MTPAP: variants seen among roughly 807,000 people sequenced by gnomAD.
The protein encoded by MTPAP is poly(A) RNA polymerase, mitochondrial.
Under a neutral mutation model 48.7 loss-of-function variants are expected in MTPAP, and 23 were observed. The observed-to-expected ratio is 0.47, with a 90% CI of 0.34 to 0.67. The LOEUF (loss-of-function observed/expected upper bound fraction) is 0.67, where lower values mean the gene tolerates loss of function less well. Ranked by LOEUF, MTPAP falls within the 30% of genes least tolerant of loss-of-function variation. The probability of loss-of-function intolerance (pLI) is 0.01; values close to 1 mark genes in which losing one functional copy is unlikely to be tolerated. For synonymous variants in MTPAP, 257 were observed against 254.1 expected, an observed-to-expected ratio of 1.01 and a Z score of -0.11; for missense variants, 614 against 694.3, an observed-to-expected ratio of 0.88 and a Z score of 1.30.
chr10:30,346,179 AAT>A (rs1360921992), intron 1 of MTPAP, among the ~76,000 whole-genome samples: 2 of 152,178 alleles, frequency 1.3e-5, no homozygotes, highest in Admixed American at 6.5e-5. Flanking sequence ...GCATCATAGG[AAT>A]GTCTTAACTT....
rs144395452 is a variant in MTPAP at position 30,329,677 on chromosome 10, T to C, written c.781-3042A>G. ...CTCGTGTTATTTCTCTAATGTATAATCAAAGAATATTAACTAATATATAGT... is the reference window on the plus strand; with the variant it reads ...CTCGTGTTATTTCTCTAATGTATAACCAAAGAATATTAACTAATATATAGT... On this transcript the variant is annotated intron_variant, in intron 4 of 8. Coordinates refer to ENST00000263063, the MANE Select transcript of MTPAP (RefSeq NM_018109.4). Among the ~76,000 whole-genome samples the C allele has an allele frequency of 5.1e-3, 782 of 151,954 alleles. 11 individuals are homozygous for C. Among genetic ancestry groups the C allele is most frequent in the South Asian group, 0.046 (222 of 4,820 alleles).
intron 4 of MTPAP, among the ~76,000 whole-genome samples, chr10:30,328,099 G>C (rs1360532161): frequency 6.6e-6 from 1 of 152,020 alleles, no homozygotes; most frequent in African/African-American, 2.4e-5. Flanking sequence ...ATACAAACGG[G>C]TAATTTACGA....
chr10:30,326,144 AC>A (rs1307417673), intron 5 of MTPAP, among the ~76,000 whole-genome samples: 1 of 152,126 alleles, frequency 6.6e-6, no homozygotes, highest in Non-Finnish European at 1.5e-5. Context: ...ACTACACACT[AC>A]CAGGCTGCAC....
chr10:30,322,408 G>C lies in MTPAP; in HGVS notation c.1202C>G (p.Ser401Cys), dbSNP rs1840735666. The change falls in exon 6 of 9, where the codon TCC becomes TGC. Residue 401 changes from serine to cysteine, a missense_variant. This residue lies in a region of MTPAP where 261 missense variants were observed against 355.4 expected (regional missense o/e 0.73). Transcript: ENST00000263063. ...AGTCTTACCTGCTAGGGTTTTTAAG[G>C]AATCTAGTGTTGGAAGAATAGGGGG... is the stretch of plus-strand genomic sequence containing the variant. ...RSPPILPTLD[S>C]LKTLADAEDK... 6.2e-7 allele frequency: 1 copy of C among 1,608,596 alleles called. No individual in the cohort carries two copies. The highest frequency in any genetic ancestry group is 8.5e-7 in the Non-Finnish European group (1 of 1,175,018).
In MTPAP at chr10:30,311,554, T is replaced by A. The variant is rs1242215193; in HGVS notation, c.*2055A>T. 2 of 152,148 alleles carry A rather than the reference T, an allele frequency of 1.3e-5. No homozygotes were observed. Among genetic ancestry groups the A allele is most frequent in the Non-Finnish European group, 2.9e-5 (2 of 68,028 alleles). The allele number at this position is 152,148 out of a possible 1,614,324, so 9.4% of individuals were successfully genotyped here. A position where few individuals can be genotyped will look rare whatever the true frequency, so the allele number is the denominator to read the frequency against. The stretch of plus-strand genomic sequence containing the variant: ...GCATTTTCCTACATCCCTCGCTTAA[T>A]CCTCACATTGATCTGATCATGATCC... On this transcript the variant is annotated 3_prime_UTR_variant, in exon 9 of 9. Coordinates refer to ENST00000263063, the MANE Select transcript of MTPAP (RefSeq NM_018109.4).
At chr10:30,321,434 A>G (rs1410640379) in intron 6 of MTPAP, among the ~76,000 whole-genome samples, 2 of 152,184 alleles carry the variant, frequency 1.3e-5, no homozygotes, top group Non-Finnish European at 2.9e-5. Context: ...ATCACTTCTA[A>G]TATGGATAAA....
intron 6 of MTPAP, among the ~76,000 whole-genome samples, chr10:30,317,832 T>A (rs979727453): frequency 1.3e-5 from 2 of 152,096 alleles, no homozygotes; most frequent in African/African-American, 4.8e-5. Flanking sequence ...AGGTATATAA[T>A]CAATAATCTG....
chr10:30,322,623 AAAAATAAAAAT>A lies in MTPAP; in HGVS notation c.993-17_993-7del. The A allele has an allele frequency of 6.3e-7, 1 of 1,587,572 alleles. No homozygotes were observed. Among genetic ancestry groups the A allele is most frequent in the Non-Finnish European group, 8.6e-7 (1 of 1,159,952 alleles). On this transcript the variant is annotated splice_region_variant and splice_polypyrimidine_tract_variant and intron_variant, in intron 5 of 8. Transcript: ENST00000263063. ...CGGAACTTGTCAAGGCAATCCTTCA[AAAAATAAAAAT>A]AAGAAAAATGTTCAAATCCCCAAAT...
chr10:30,334,674 T>G (rs1834708005), intron 4 of MTPAP, among the ~76,000 whole-genome samples: 1 of 151,434 alleles, frequency 6.6e-6, no homozygotes, highest in African/African-American at 2.4e-5. Context: ...AAAAGAAAAA[T>G]AAAAACAATG....
At chr10:30,323,577 T>G (rs1840753639) in intron 5 of MTPAP, among the ~76,000 whole-genome samples, 1 of 152,218 alleles carries the variant, frequency 6.6e-6, no homozygotes, top group South Asian at 2.1e-4. Context: ...TGGCGCGATC[T>G]TGGCTCACTG....
chr10:30,340,514 C>A, intron 2 of MTPAP, 64 bp from the exon 3 acceptor site: 1 of 1,068,888 alleles, frequency 9.4e-7, no homozygotes, highest in Non-Finnish European at 1.4e-6. Flanking sequence ...ACTATTTTAG[C>A]TCATATATTA....
intron 3 of MTPAP, among the ~76,000 whole-genome samples, chr10:30,338,558 C>T (rs977318150): frequency 2.6e-5 from 4 of 151,832 alleles, no homozygotes; most frequent in Non-Finnish European, 2.9e-5. Context: ...GCCTGTAATC[C>T]CTGCTACTTG....
intron 5 of MTPAP, among the ~76,000 whole-genome samples, chr10:30,325,125 A>AC (rs1202393339): frequency 5.3e-5 from 8 of 152,198 alleles, no homozygotes; most frequent in Non-Finnish European, 8.8e-5. Context: ...CTTGATATAA[A>AC]GAAAAAAACA....
At chr10:30,346,541 T>C (rs955126811) in intron 1 of MTPAP, among the ~76,000 whole-genome samples, 1 of 152,200 alleles carries the variant, frequency 6.6e-6, no homozygotes, top group Non-Finnish European at 1.5e-5. Flanking sequence ...ATACACACTC[T>C]TCTGAAATTC....
chr10:30,344,819 C>T (rs1001838783), intron 1 of MTPAP, among the ~76,000 whole-genome samples: 1 of 152,162 alleles, frequency 6.6e-6, no homozygotes, highest in Non-Finnish European at 1.5e-5. Flanking sequence ...ATTCTCCTGC[C>T]TCAGCCTCCC....
At chr10:30,344,317 T>C (rs556323111) in intron 1 of MTPAP, among the ~76,000 whole-genome samples, 1 of 152,328 alleles carries the variant, frequency 6.6e-6, no homozygotes, top group Non-Finnish European at 1.5e-5. Flanking sequence ...TCATTTTCTG[T>C]CTGGCAAACT....
At chr10:30,326,714 T>C in intron 4 of MTPAP, 79 bp from the exon 5 acceptor site, 1 of 1,026,060 alleles carries the variant, frequency 9.7e-7, no homozygotes, top group Non-Finnish European at 1.5e-6. Context: ...AAAAGAATGC[T>C]CTAAATCACT....
chr10:30,323,465 A>AG (rs2132851170), intron 5 of MTPAP, among the ~76,000 whole-genome samples: 1 of 151,632 alleles, frequency 6.6e-6, no homozygotes, highest in South Asian at 2.1e-4. Context: ...AAAAAAAAAA[A>AG]AAAAAAAAGA....
chr10:30,320,394 G>A (rs948482363), intron 6 of MTPAP, among the ~76,000 whole-genome samples: 2 of 152,132 alleles, frequency 1.3e-5, no homozygotes, highest in South Asian at 2.1e-4. Context: ...GTATGGTGGT[G>A]CATGCCTATA....
Sources: allele counts gnomAD v4.1 joint callset (sites outside exome capture counted in the v4.1 genomes callset), GRCh38; gene constraint gnomAD v4.1.1; regional missense constraint gnomAD v4.1.1; transcripts MANE v1.5; gene names NCBI Gene and HGNC (gene_info 2026-07-23, HGNC 2026-07-21).